MIPOL1: variants seen among roughly 807,000 people sequenced by gnomAD.
The protein encoded by MIPOL1 is mirror-image polydactyly 1, also known as mirror-image polydactyly gene 1 protein.
In MIPOL1, 57 loss-of-function variants were observed where a neutral mutation model predicts 60.9. The ratio of observed to expected loss-of-function variants is 0.94; its 90% CI spans 0.76 to 1.17. MIPOL1 has a LOEUF of 1.17. Among genes scored for constraint, MIPOL1 ranks in the 50% most tolerant of loss-of-function variants. The pLI is 0.00. For synonymous variants in MIPOL1, 179 were observed against 168.8 expected (o/e 1.06, Z -0.47); for missense variants, 551 against 511.6 (o/e 1.08, Z -0.74).
At chr14:37,405,735 GTCTT>G (rs888946428) in intron 10 of MIPOL1, among the ~76,000 whole-genome samples, 1 of 151,582 alleles carries the variant, frequency 6.6e-6, no homozygotes, top group Non-Finnish European at 1.5e-5. Flanking sequence ...TAAAAAAAAA[GTCTT>G]TCATATAGCC....
chr14:37,213,419 T>G (rs1478976421), intron 1 of MIPOL1, among the ~76,000 whole-genome samples: 1 of 152,158 alleles, frequency 6.6e-6, no homozygotes, highest in Non-Finnish European at 1.5e-5. Context: ...AAAATGCAAT[T>G]GACATACTGA....
Position 37,292,211 on chromosome 14 carries a change from C to T in MIPOL1, c.623+6764C>T, listed in dbSNP as rs527281174. 4.6e-5 allele frequency among the ~76,000 whole-genome samples: 7 copies of T among 152,044 alleles called. No individual in the cohort carries two copies. In the South Asian group the frequency reaches 1.2e-3, roughly 27 times the overall value. On this transcript the variant is annotated intron_variant, in intron 7 of 12. Transcript: ENST00000684589. ...AAGTGCTGGGATTACAGGTGTGAAG[C>T]GAAGCCACCACGCCCAGCTGGCAGT...
chr14:37,455,898 C>A (rs955417787), intron 11 of MIPOL1, among the ~76,000 whole-genome samples: 13 of 151,962 alleles, frequency 8.6e-5, no homozygotes, highest in African/African-American at 3.1e-4. Flanking sequence ...CAATAATCTC[C>A]TTAATAGCTC....
At chr14:37,236,249 C>T (rs1256262727) in intron 1 of MIPOL1, among the ~76,000 whole-genome samples, 2 of 151,898 alleles carry the variant, frequency 1.3e-5, no homozygotes, top group South Asian at 2.1e-4. Flanking sequence ...TAATAGTCAT[C>T]TTGCTGGGTA....
At position 37,449,072 on chromosome 14, in the gene MIPOL1, C is replaced by T. The variant is rs1416636788; in HGVS notation, c.1031+26123C>T. 2.6e-5 allele frequency among the ~76,000 whole-genome samples: 4 copies of T among 152,150 alleles called. No individual in the cohort carries two copies. In the East Asian group the frequency reaches 7.7e-4, roughly 29 times the overall value. On this transcript the variant is annotated intron_variant, in intron 11 of 12. Coordinates refer to ENST00000684589, the MANE Select transcript of MIPOL1 (RefSeq NM_001388067.1). ...ATGCCAACAAAGAAGGGAATGGCAG[C>T]AAGATCACATTCTTCCGTCACTTGA...
chr14:37,218,103 G>A (rs1293554876), intron 1 of MIPOL1, among the ~76,000 whole-genome samples: 1 of 151,914 alleles, frequency 6.6e-6, no homozygotes, highest in Non-Finnish European at 1.5e-5. Context: ...TTCTGTTACT[G>A]ATTTCTAGTT....
At chr14:37,476,847 T>C (rs773534746) in intron 11 of MIPOL1, among the ~76,000 whole-genome samples, 18 of 151,788 alleles carry the variant, frequency 1.2e-4, no homozygotes, top group Non-Finnish European at 1.8e-4. Flanking sequence ...TGTTTAGGGT[T>C]TTTGTATCTA....
intron 12 of MIPOL1, among the ~76,000 whole-genome samples, chr14:37,508,437 A>G (rs924311942): frequency 6.6e-6 from 1 of 152,192 alleles, no homozygotes; most frequent in Non-Finnish European, 1.5e-5. Flanking sequence ...TTTTCTAACT[A>G]CTAAATTCAA....
At chr14:37,437,067 A>G (rs1174361672) in intron 11 of MIPOL1, among the ~76,000 whole-genome samples, 2 of 152,168 alleles carry the variant, frequency 1.3e-5, no homozygotes, top group African/African-American at 2.4e-5. Context: ...TTAAGGTTTA[A>G]TTTACTATTC....
intron 11 of MIPOL1, among the ~76,000 whole-genome samples, chr14:37,463,178 T>A (rs1270421081): frequency 6.6e-6 from 1 of 152,190 alleles, no homozygotes; most frequent in Non-Finnish European, 1.5e-5. Context: ...TATGTGGATG[T>A]CAGCAGGCTA....
rs535978128 is a variant in MIPOL1, at chr14:37,451,808, C to CTTTTTTTTTTTTTTTTTTTTTTTTTTTT, written c.1031+28883_1031+28884insTTTTTTTTTTTTTTTTTTTTTTTTTTTT. Among the ~76,000 whole-genome samples, 12 of 84,570 alleles carry CTTTTTTTTTTTTTTTTTTTTTTTTTTTT rather than the reference C, an allele frequency of 1.4e-4. 1 individual carries two copies. The highest frequency in any genetic ancestry group is 6.8e-3 in the Middle Eastern group (1 of 148). The allele number at this position is 84,570 out of a possible 152,430, so 55.5% of individuals were successfully genotyped here. A position where few individuals can be genotyped will look rare whatever the true frequency, so the allele number is the denominator to read the frequency against. ...CTTAAGGTTCTTTTGTTTATTCTCT[C>CTTTTTTTTTTTTTTTTTTTTTTTTTTTT]TTTTTTTTTTTTTTTTTTTTTTTTG... On this transcript the variant is annotated intron_variant, in intron 11 of 12. Coordinates refer to ENST00000684589, the MANE Select transcript of MIPOL1 (RefSeq NM_001388067.1).
intron 10 of MIPOL1, among the ~76,000 whole-genome samples, chr14:37,404,837 G>A (rs1390536908): frequency 6.6e-6 from 1 of 152,100 alleles, no homozygotes; most frequent in Non-Finnish European, 1.5e-5. Context: ...GACTAATAAG[G>A]ATAGTCAACA....
intron 3 of MIPOL1, among the ~76,000 whole-genome samples, chr14:37,250,905 T>C (rs1011034066): frequency 3.3e-5 from 5 of 152,162 alleles, no homozygotes; most frequent in Non-Finnish European, 5.9e-5. Flanking sequence ...TTCTGAAATA[T>C]TTTAAGTCAA....
rs193112758 is a variant in MIPOL1, at chr14:37,487,309, T to C, written c.1032-12599T>C. Among the ~76,000 whole-genome samples the C allele has an allele frequency of 2.4e-3, 359 of 152,154 alleles. 1 individual carries two copies. Among genetic ancestry groups the C allele is most frequent in the Non-Finnish European group, 4.1e-3 (279 of 67,934 alleles). ...GCCTGAAATTTTCTTTTTGTTTTGT[T>C]TGTCTCTGCCACGTTTTGGTATCAG... On this transcript the variant is annotated intron_variant, in intron 11 of 12. Coordinates refer to ENST00000684589, the MANE Select transcript of MIPOL1 (RefSeq NM_001388067.1).
Position 37,548,701 on chromosome 14 carries a change from A to G in MIPOL1, c.*1730A>G, listed in dbSNP as rs2095554322. ...TAGTCCATTCCTGATCTCACTTAAAATAAATCACAAGTAAATTTGAATTTT... is the reference window on the plus strand; with the variant it reads ...TAGTCCATTCCTGATCTCACTTAAAGTAAATCACAAGTAAATTTGAATTTT... On this transcript the variant is annotated 3_prime_UTR_variant, in exon 13 of 13. Coordinates refer to ENST00000684589, the MANE Select transcript of MIPOL1 (RefSeq NM_001388067.1). The G allele has an allele frequency of 1.3e-5, 2 of 152,006 alleles. No individual in the cohort carries two copies. Among genetic ancestry groups the G allele is most frequent in the Non-Finnish European group, 2.9e-5 (2 of 67,854 alleles). 9.4% of individuals were successfully genotyped at this position (152,006 alleles called of 1,614,324 possible).
intron 10 of MIPOL1, among the ~76,000 whole-genome samples, chr14:37,409,771 C>T (rs1426215808): frequency 6.6e-6 from 1 of 152,084 alleles, no homozygotes; most frequent in Non-Finnish European, 1.5e-5. Flanking sequence ...GGCGACAGAG[C>T]AAGACTCTGT....
intron 12 of MIPOL1, among the ~76,000 whole-genome samples, chr14:37,511,498 C>T (rs1455122198): frequency 2.6e-5 from 4 of 152,066 alleles, no homozygotes; most frequent in Non-Finnish European, 5.9e-5. Context: ...AAAGACTATC[C>T]CTAATCCCCA....
chr14:37,335,613 A>G (rs1468440606), intron 9 of MIPOL1, among the ~76,000 whole-genome samples: 1 of 152,010 alleles, frequency 6.6e-6, no homozygotes, highest in African/African-American at 2.4e-5. Flanking sequence ...AGACTGAGTA[A>G]TATTCTATTA....
intron 9 of MIPOL1, among the ~76,000 whole-genome samples, chr14:37,362,097 T>G (rs2153486396): frequency 6.6e-6 from 1 of 152,308 alleles, no homozygotes. Context: ...TTGGGGCATT[T>G]AGCTCATTTA....
Sources: gnomAD v4.1 joint callset for allele counts (sites outside exome capture counted in the v4.1 genomes callset) on GRCh38, gnomAD v4.1.1 for gene constraint, MANE v1.5 for transcripts, NCBI Gene and HGNC (gene_info 2026-07-23, HGNC 2026-07-21) for gene names.